HPSE2: variants seen among roughly 807,000 people sequenced by gnomAD.
HPSE2 encodes the protein heparanase 2 (inactive).
Under a neutral mutation model 60.5 loss-of-function variants are expected in HPSE2, and 38 were observed. The ratio of observed to expected loss-of-function variants is 0.63; its 90% CI spans 0.48 to 0.82. HPSE2 has a LOEUF of 0.82. Ranked by LOEUF, HPSE2 falls within the 40% of genes least tolerant of loss-of-function variation. The probability of loss-of-function intolerance (pLI) is 0.00; values close to 1 mark genes in which losing one functional copy is unlikely to be tolerated. For synonymous variants in HPSE2, 295 were observed against 293.2 expected (o/e 1.01, Z -0.06); for missense variants, 713 against 740.4 (o/e 0.96, Z 0.43).
intron 3 of HPSE2, among the ~76,000 whole-genome samples, chr10:99,128,812 T>C (rs1845265587): frequency 6.6e-6 from 1 of 152,060 alleles, no homozygotes; most frequent in African/African-American, 2.4e-5. Flanking sequence ...AATATTCATA[T>C]CCTGCACATG....
chr10:98,588,309 A>G (rs1417864231), intron 9 of HPSE2, among the ~76,000 whole-genome samples: 2 of 152,154 alleles, frequency 1.3e-5, no homozygotes. Context: ...CACAGAAAAG[A>G]GGCCCAGTGT....
intron 7 of HPSE2, among the ~76,000 whole-genome samples, chr10:98,640,443 A>G (rs1446230876): frequency 6.6e-6 from 1 of 152,210 alleles, no homozygotes; most frequent in African/African-American, 2.4e-5. Context: ...TCAGCCTATC[A>G]AACTCTTGAG....
chr10:98,971,398 TC>T (rs56725200), intron 3 of HPSE2, among the ~76,000 whole-genome samples: 1 of 152,154 alleles, frequency 6.6e-6, no homozygotes, highest in Non-Finnish European at 1.5e-5. Flanking sequence ...AAAGCCTCTC[TC>T]TTTCATTTTT....
At chr10:98,517,450 C>T (rs544384916) in intron 9 of HPSE2, among the ~76,000 whole-genome samples, 46 of 152,276 alleles carry the variant, frequency 3.0e-4, no homozygotes, top group African/African-American at 9.6e-4. Context: ...CATAGAACAT[C>T]AGAGAGTACC....
chr10:99,103,677 A>T (rs1331665113), intron 3 of HPSE2, among the ~76,000 whole-genome samples: 3 of 152,188 alleles, frequency 2.0e-5, no homozygotes, highest in Non-Finnish European at 4.4e-5. Context: ...CATTGCCAAG[A>T]CAATCCTAAG....
At chr10:99,136,755 C>T (rs913467402) in intron 3 of HPSE2, among the ~76,000 whole-genome samples, 5 of 152,084 alleles carry the variant, frequency 3.3e-5, no homozygotes, top group Admixed American at 6.5e-5. Context: ...ATAATAAGAG[C>T]TACTTATGAC....
At chr10:98,675,799 G>A (rs1051991324) in intron 6 of HPSE2, among the ~76,000 whole-genome samples, 1 of 152,144 alleles carries the variant, frequency 6.6e-6, no homozygotes, top group Admixed American at 6.5e-5. Context: ...CTTTGCTGAG[G>A]TGGGAGGATT....
chr10:98,737,420 T>C (rs1447942780), intron 4 of HPSE2, among the ~76,000 whole-genome samples: 1 of 138,556 alleles, frequency 7.2e-6, no homozygotes, highest in African/African-American at 2.6e-5. Flanking sequence ...TCATTGGGAC[T>C]GGTTAGACAG....
the HPSE2 span, among the ~76,000 whole-genome samples, chr10:99,256,394 G>GAA: frequency 8.1e-4 from 1 of 1,242 alleles, no homozygotes; most frequent in Admixed American, 5.6e-3. Context: ...ACCCCTACAA[G>GAA]ATGACTCACC....
intron 3 of HPSE2, among the ~76,000 whole-genome samples, chr10:98,878,214 C>T (rs143973785): frequency 5.2e-4 from 79 of 152,064 alleles, no homozygotes; most frequent in African/African-American, 1.7e-3. Flanking sequence ...GCCTGGAAGT[C>T]GTTCCTAAGT....
chr10:98,737,158 C>T (rs896602728), intron 4 of HPSE2, among the ~76,000 whole-genome samples: 4 of 152,110 alleles, frequency 2.6e-5, no homozygotes, highest in Non-Finnish European at 5.9e-5. Context: ...CTGTGACCTA[C>T]CCTCATAAAT....
chr10:98,975,392 G>A (rs1297993079), intron 3 of HPSE2, among the ~76,000 whole-genome samples: 1 of 151,788 alleles, frequency 6.6e-6, no homozygotes. Flanking sequence ...TGTTAGGCAT[G>A]GAAATTCAAC....
intron 5 of HPSE2, 60 bp downstream of exon 5, chr10:98,721,597 C>T: frequency 2.0e-6 from 3 of 1,472,210 alleles, no homozygotes; most frequent in Non-Finnish European, 2.8e-6. Context: ...AAGAGAAATG[C>T]AAATACATTA....
intron 11 of HPSE2, among the ~76,000 whole-genome samples, chr10:98,476,664 C>A (rs2133625768): frequency 6.6e-6 from 1 of 151,880 alleles, no homozygotes; most frequent in South Asian, 2.1e-4. Context: ...GTGGTGCATG[C>A]CTGTAGTCCC....
intron 9 of HPSE2, among the ~76,000 whole-genome samples, chr10:98,561,400 A>G (rs113193069): frequency 5.9e-5 from 9 of 152,286 alleles, no homozygotes; most frequent in African/African-American, 2.2e-4. Flanking sequence ...AAAAAGTAAA[A>G]AACAGAACAA....
intron 3 of HPSE2, among the ~76,000 whole-genome samples, chr10:99,065,257 T>C (rs760331521): frequency 6.6e-6 from 1 of 152,140 alleles, no homozygotes; most frequent in Admixed American, 6.6e-5. Flanking sequence ...CAGAGGCAAA[T>C]GGAGCAGCAG....
chr10:98,736,915 T>C (rs559023302), intron 4 of HPSE2, among the ~76,000 whole-genome samples: 195 of 152,284 alleles, frequency 1.3e-3, no homozygotes, highest in Non-Finnish European at 2.4e-3. Flanking sequence ...ACATAGTTAA[T>C]GCAAGAATGA....
chr10:98,904,527 A>G (rs1190302624), intron 3 of HPSE2, among the ~76,000 whole-genome samples: 2 of 152,228 alleles, frequency 1.3e-5, no homozygotes, highest in African/African-American at 2.4e-5. Flanking sequence ...AGGGTAATTC[A>G]GTGAGCACAA....
chr10:98,969,943 G>A (rs932707957), intron 3 of HPSE2, among the ~76,000 whole-genome samples: 2 of 150,488 alleles, frequency 1.3e-5, no homozygotes, highest in African/African-American at 2.5e-5. Flanking sequence ...AGGAGCAAGA[G>A]GTGGGGAACA....
Sources: allele counts gnomAD v4.1 joint callset (sites outside exome capture counted in the v4.1 genomes callset), GRCh38; gene constraint gnomAD v4.1.1; transcripts MANE v1.5; gene names NCBI Gene and HGNC (gene_info 2026-07-23, HGNC 2026-07-21).